Variants in DMD observed in about 807,000 individuals in gnomAD.
DMD encodes mutant dystrophin.
Under a neutral mutation model 330.1 loss-of-function variants are expected in DMD, and 63 were observed. The observed-to-expected ratio is 0.19, with a 90% CI of 0.16 to 0.24. The LOEUF (loss-of-function observed/expected upper bound fraction) is 0.24. Among genes scored for constraint, DMD ranks in the 10% least tolerant of loss-of-function variants. DMD has a pLI of 1.00. For missense variants in DMD, 3,344 were observed against 2,684.1 expected (o/e 1.25, Z -5.43); for synonymous variants, 1,223 against 959.8 (o/e 1.27, Z -5.07).
intron 44 of DMD, among the ~76,000 whole-genome samples, chrX:32,184,620 G>A (rs1220330170): frequency 9.9e-5 from 11 of 110,923 alleles, no homozygotes; most frequent in Non-Finnish European, 1.5e-4. Flanking sequence ...CTTCTCTTCG[G>A]GTTCAGTTGA....
At chrX:32,600,744 G>A (rs1024147365) in intron 12 of DMD, among the ~76,000 whole-genome samples, 1 of 110,495 alleles carries the variant, frequency 9.1e-6, no homozygotes, top group Non-Finnish European at 1.9e-5. Context: ...ATATTCAGTA[G>A]TTTGTAGTTT....
intron 42 of DMD, among the ~76,000 whole-genome samples, chrX:32,302,222 AT>A (rs773310917): frequency 3.1e-4 from 35 of 111,322 alleles, no homozygotes; most frequent in African/African-American, 1.1e-3. Flanking sequence ...ACACTTTACT[AT>A]AAAATAGGTC....
rs2082390804 is a variant in DMD, at chrX:31,681,718, GCTT to G, written c.7661-2135_7661-2133del. 3.5e-5 allele frequency among the ~76,000 whole-genome samples: 4 copies of G among 112,820 alleles called. No individual in the cohort carries two copies. The South Asian group carries it at 1.5e-3, about 41-fold the overall frequency. On this transcript the variant is annotated intron_variant, in intron 52 of 78. Coordinates refer to ENST00000357033, the MANE Select transcript of DMD (RefSeq NM_004006.3). ...ATATGGCACAGGAATATAAAACTAT[GCTT>G]CTTATTTTGTTATGTAAGTAAAGTC...
chrX:31,766,954 C>T (rs1294971900), intron 51 of DMD, among the ~76,000 whole-genome samples: 1 of 107,205 alleles, frequency 9.3e-6, no homozygotes, highest in East Asian at 2.9e-4. Context: ...TTGTTATGAC[C>T]AGAGAATATA....
At chrX:32,513,659 G>C (rs984612269) in intron 18 of DMD, among the ~76,000 whole-genome samples, 2 of 111,673 alleles carry the variant, frequency 1.8e-5, no homozygotes, top group African/African-American at 6.5e-5. Context: ...GAAATAATGA[G>C]ATTTAAGATA....
intron 1 of DMD, among the ~76,000 whole-genome samples, chrX:33,169,888 G>A (rs767247974): frequency 1.8e-5 from 2 of 110,182 alleles, no homozygotes; most frequent in African/African-American, 3.3e-5. Context: ...AGTCAGAAAA[G>A]CAATCAGTCA....
intron 55 of DMD, among the ~76,000 whole-genome samples, chrX:31,557,979 T>C (rs947249961): frequency 3.6e-5 from 4 of 111,709 alleles, no homozygotes; most frequent in African/African-American, 1.3e-4. Flanking sequence ...TTAGACATTC[T>C]AGAATGAAAA....
At chrX:31,900,316 G>T (rs1030912256) in intron 47 of DMD, among the ~76,000 whole-genome samples, 1 of 111,257 alleles carries the variant, frequency 9.0e-6, no homozygotes, top group African/African-American at 3.3e-5. Flanking sequence ...CCAGTGGGAG[G>T]TAATTTAATC....
intron 51 of DMD, among the ~76,000 whole-genome samples, chrX:31,749,434 A>G (rs1243520596): frequency 1.2e-4 from 12 of 102,754 alleles, no homozygotes; most frequent in Non-Finnish European, 2.2e-4. Flanking sequence ...GAGAATGATG[A>G]TTTCCAATTT....
chrX:32,128,369 C>T (rs1163688606), intron 44 of DMD, among the ~76,000 whole-genome samples: 1 of 111,910 alleles, frequency 8.9e-6, no homozygotes, highest in Non-Finnish European at 1.9e-5. Context: ...TTTTCCTTTA[C>T]ATGCCTCTAA....
chrX:31,922,288 C>T (rs2094701119), intron 47 of DMD, among the ~76,000 whole-genome samples: 1 of 111,472 alleles, frequency 9.0e-6, no homozygotes, highest in Admixed American at 9.5e-5. Flanking sequence ...ATGCCCCTTT[C>T]CGTCCCTCCA....
intron 30 of DMD, among the ~76,000 whole-genome samples, chrX:32,400,582 G>A (rs185208077): frequency 3.7e-4 from 41 of 110,707 alleles, no homozygotes; most frequent in Non-Finnish European, 6.8e-4. Context: ...ATGAAAAAAT[G>A]CTCATCATCA....
At chrX:32,039,733 G>C (rs753083952) in intron 44 of DMD, among the ~76,000 whole-genome samples, 13 of 111,787 alleles carry the variant, frequency 1.2e-4, no homozygotes, top group African/African-American at 3.9e-4. Flanking sequence ...TCCTGAAATA[G>C]ATCTCAAAAT....
chrX:32,473,359 G>A (rs1383483508), intron 21 of DMD, among the ~76,000 whole-genome samples: 3 of 111,112 alleles, frequency 2.7e-5, no homozygotes, highest in African/African-American at 6.5e-5. Context: ...ACAGTAAAAC[G>A]GTCTAATATA....
At chrX:32,132,993 C>CTTTTCTTTTTTTTT (rs2096705124) in intron 44 of DMD, among the ~76,000 whole-genome samples, 7 of 75,967 alleles carry the variant, frequency 9.2e-5, no homozygotes, top group African/African-American at 4.8e-4. Flanking sequence ...CTTTTCTTTT[C>CTTTTCTTTTTTTTT]TTTTTTTTTT....
chrX:32,558,179 T>C lies in DMD; in HGVS notation c.1992+7523A>G, dbSNP rs1406775348. 2.7e-5 allele frequency among the ~76,000 whole-genome samples: 3 copies of C among 111,535 alleles called. No individual in the cohort carries two copies. The Admixed American group carries it at 2.9e-4, about 11-fold the overall frequency. ...CATTTTAAATTGTCTTTAGTACAAA[T>C]TGTATCAGAAAGAAGAGATGTATGT... On this transcript the variant is annotated intron_variant, in intron 16 of 78. Coordinates refer to ENST00000357033, the MANE Select transcript of DMD (RefSeq NM_004006.3).
At chrX:32,813,682 T>C (rs1366007483) in intron 6 of DMD, among the ~76,000 whole-genome samples, 1 of 111,807 alleles carries the variant, frequency 8.9e-6, no homozygotes, top group Non-Finnish European at 1.9e-5. Context: ...ACAGAACTGA[T>C]ATAAATGTTA....
chrX:33,309,061 T>C (rs1302384028), intron 1 of DMD, among the ~76,000 whole-genome samples: 1 of 111,517 alleles, frequency 9.0e-6, no homozygotes, highest in African/African-American at 3.3e-5. Flanking sequence ...CAAACAGTGT[T>C]CATATGGGAA....
At chrX:31,374,614 T>A (rs1434063324) in intron 60 of DMD, among the ~76,000 whole-genome samples, 1 of 89,737 alleles carries the variant, frequency 1.1e-5, no homozygotes, top group Non-Finnish European at 2.1e-5. Flanking sequence ...TAGGTGGGAA[T>A]TGAACAATGA....
Sources: allele counts gnomAD v4.1 joint callset (sites outside exome capture counted in the v4.1 genomes callset), GRCh38; gene constraint gnomAD v4.1.1; transcripts MANE v1.5; gene names NCBI Gene and HGNC (gene_info 2026-07-23, HGNC 2026-07-21).